The following UGT3A1 variants were observed in gnomAD, a reference collection of about 807,000 sequenced individuals.
UGT3A1 encodes the protein UDP-glycosyltransferase 3A1.
UGT3A1 carries 40 observed loss-of-function variants against 37.6 expected under a neutral mutation model. That is an observed-to-expected ratio of 1.06 (90% confidence interval 0.83 to 1.38). The LOEUF is 1.38. UGT3A1 is among the 40% of genes most tolerant of loss of function. UGT3A1 has a pLI of 0.00. For missense variants in UGT3A1, 642 were observed against 634.2 expected (o/e 1.01, Z -0.13); for synonymous variants, 256 against 232.3 (o/e 1.10, Z -0.93).
intron 2 of UGT3A1, among the ~76,000 whole-genome samples, chr5:35,981,497 C>A (rs746916613): frequency 1.3e-5 from 2 of 152,136 alleles, no homozygotes; most frequent in Non-Finnish European, 2.9e-5. Context: ...GGCACTGTGA[C>A]CTTGCTCTAG....
chr5:35,973,678 G>C (rs1215755363), intron 2 of UGT3A1, among the ~76,000 whole-genome samples: 1 of 152,066 alleles, frequency 6.6e-6, no homozygotes, highest in Non-Finnish European at 1.5e-5. Flanking sequence ...AATTTGCAAG[G>C]GGCTTCCCAG....
chr5:35,997,734 A>T (rs1741130160), intron 1 of UGT3A1, among the ~76,000 whole-genome samples: 1 of 152,060 alleles, frequency 6.6e-6, no homozygotes, highest in Non-Finnish European at 1.5e-5. Context: ...CAGAGGATTT[A>T]ATTTTTACCC....
At chr5:35,980,156 CT>C (rs5867300) in intron 2 of UGT3A1, among the ~76,000 whole-genome samples, 41,110 of 152,074 alleles carry the variant, frequency 0.27, 6,929 homozygotes, top group Non-Finnish European at 0.38. Context: ...AATATTACTT[CT>C]GTAAAATGCT....
chr5:35,961,547 A>G (rs1475318074), intron 4 of UGT3A1: 1 of 152,244 alleles, frequency 6.6e-6, no homozygotes, highest in African/African-American at 2.4e-5. Flanking sequence ...TAAACCTTGT[A>G]TAGAAGCGGT....
upstream of UGT3A1, among the ~76,000 whole-genome samples, chr5:35,994,231 CCACTTA>C (rs200432373): frequency 2.9e-3 from 434 of 152,040 alleles, 8 homozygotes; most frequent in East Asian, 0.015. Flanking sequence ...TGTTAATTTC[CCACTTA>C]CACTTAGAGC....
chr5:35,966,000 T>A, intron 3 of UGT3A1, 83 bp from the exon 4 acceptor site: 1 of 1,099,564 alleles, frequency 9.1e-7, no homozygotes, highest in South Asian at 1.9e-5. Context: ...CAAAAAAATA[T>A]TTCAGGTATG....
At chr5:35,990,159 G>A (rs1482363728) in intron 1 of UGT3A1, among the ~76,000 whole-genome samples, 1 of 152,018 alleles carries the variant, frequency 6.6e-6, no homozygotes, top group African/African-American at 2.4e-5. Context: ...TGTGGTGAGC[G>A]TGGTCTTGGG....
intron 2 of UGT3A1, among the ~76,000 whole-genome samples, chr5:35,974,444 C>A (rs954858079): frequency 4.6e-5 from 7 of 152,298 alleles, no homozygotes; most frequent in Admixed American, 6.5e-5. Context: ...TCTGGCAAAA[C>A]AGAAAACCAA....
In UGT3A1 at chr5:35,954,087, C is replaced by T. The variant is rs1739258732; in HGVS notation, c.*115G>A. On this transcript the variant is annotated 3_prime_UTR_variant, in exon 7 of 7. Coordinates refer to ENST00000274278, the MANE Select transcript of UGT3A1 (RefSeq NM_152404.4). ...GCAGAGAATAGAAAGAAGCAAGTTGCAGGATCAGTGGCAGGTGGAGCTGAA... is the reference window on the plus strand; with the variant it reads ...GCAGAGAATAGAAAGAAGCAAGTTGTAGGATCAGTGGCAGGTGGAGCTGAA... 8.7e-7 allele frequency: 1 copy of T among 1,144,350 alleles called. No homozygotes were observed. The highest frequency in any genetic ancestry group is 2.3e-5 in the Admixed American group (1 of 43,512). 70.9% of individuals were successfully genotyped at this position (1,144,350 alleles called of 1,614,324 possible).
At chr5:35,957,586 T>C (rs1264889359) in intron 4 of UGT3A1, among the ~76,000 whole-genome samples, 167 bp from the exon 5 acceptor site, 1 of 152,218 alleles carries the variant, frequency 6.6e-6, no homozygotes, top group African/African-American at 2.4e-5. Flanking sequence ...ACCTCTGCAC[T>C]GTGCTCATAT....
intron 3 of UGT3A1, 89 bp from the exon 4 acceptor site, chr5:35,966,006 G>A (rs1739795547): frequency 9.4e-7 from 1 of 1,060,728 alleles, no homozygotes; most frequent in Non-Finnish European, 1.3e-6. Context: ...AATATTTCAG[G>A]TATGTTAAGA....
chr5:35,965,920 G>T lies in UGT3A1; in HGVS notation c.312-3C>A. 6.6e-7 allele frequency: 1 copy of T among 1,516,028 alleles called. No individual in the cohort carries two copies. Among genetic ancestry groups the T allele is most frequent in the Non-Finnish European group, 8.8e-7 (1 of 1,135,570 alleles). The allele number at this position is 1,516,028 out of a possible 1,614,324, so 93.9% of individuals were successfully genotyped here. ...TTACAAGGGCTTCAGATTCTTTTCT[G>T]TAATAAAGAAAATAAATAATAAATA... is the stretch of plus-strand genomic sequence containing the variant. On this transcript the variant is annotated splice_region_variant and splice_polypyrimidine_tract_variant and intron_variant, in intron 3 of 6. Transcript: ENST00000274278.
rs2111562307 is a variant in UGT3A1 at position 35,991,364 on chromosome 5, G to C, written c.-124C>G. ...GTGGGCCTAGGAAGAGGTAGGAGAC[G>C]GATCCTGCCAATTCTCTCGCCCTTC... On this transcript the variant is annotated 5_prime_UTR_variant, in exon 1 of 7. Transcript: ENST00000274278. The C allele has an allele frequency of 6.7e-7, 1 of 1,499,732 alleles. No individual in the cohort carries two copies. The highest frequency in any genetic ancestry group is 2.4e-5 in the East Asian group (1 of 41,812). 92.9% of individuals were successfully genotyped at this position (1,499,732 alleles called of 1,614,324 possible). A position where few individuals can be genotyped will look rare whatever the true frequency, so the allele number is the denominator to read the frequency against.
intron 2 of UGT3A1, among the ~76,000 whole-genome samples, chr5:35,977,895 T>A (rs1327194083): frequency 6.6e-6 from 1 of 152,140 alleles, no homozygotes; most frequent in African/African-American, 2.4e-5. Context: ...AGCTGGAAGG[T>A]GGGATGACAC....
chr5:35,964,580 C>T (rs993415706), intron 4 of UGT3A1, among the ~76,000 whole-genome samples: 2 of 152,146 alleles, frequency 1.3e-5, no homozygotes, highest in Admixed American at 1.3e-4. Context: ...TCCAGGGTCT[C>T]GTGGCCTCTG....
In UGT3A1 at chr5:35,952,139, T is replaced by A. The variant is rs533273288; in HGVS notation, c.*2063A>T. 1 of 152,340 alleles carries A rather than the reference T, an allele frequency of 6.6e-6. No individual in the cohort carries two copies. Among genetic ancestry groups the A allele is most frequent in the East Asian group, 1.9e-4 (1 of 5,192 alleles). The allele number at this position is 152,340 out of a possible 1,614,324, so 9.4% of individuals were successfully genotyped here. A position where few individuals can be genotyped will look rare whatever the true frequency, so the allele number is the denominator to read the frequency against. On this transcript the variant is annotated 3_prime_UTR_variant, in exon 7 of 7. Transcript: ENST00000274278. ...CCAATGTGAACACAATGACACTGGA[T>A]ACTGACAGATAAGCAGAAGTTTCTC...
intron 2 of UGT3A1, among the ~76,000 whole-genome samples, chr5:35,970,598 C>T (rs754351534): frequency 1.6e-4 from 24 of 152,102 alleles, no homozygotes; most frequent in African/African-American, 2.4e-4. Flanking sequence ...TATTCCATTG[C>T]ATTCTGGGCA....
intron 2 of UGT3A1, among the ~76,000 whole-genome samples, chr5:35,971,102 A>G (rs754734609): frequency 1.6e-4 from 25 of 152,174 alleles, no homozygotes; most frequent in Non-Finnish European, 2.9e-5. Context: ...GGGAACCTCA[A>G]TATCCTGGCC....
intron 2 of UGT3A1, 151 bp downstream of exon 2, chr5:35,988,299 C>G: frequency 7.2e-6 from 4 of 556,420 alleles, no homozygotes; most frequent in Non-Finnish European, 1.2e-5. Flanking sequence ...AATTCCAATA[C>G]TTAACATGAA....
Sources: gnomAD v4.1 joint callset for allele counts (sites outside exome capture counted in the v4.1 genomes callset) on GRCh38, gnomAD v4.1.1 for gene constraint, MANE v1.5 for transcripts, NCBI Gene and HGNC (gene_info 2026-07-23, HGNC 2026-07-21) for gene names.